The following KLHL8 variants were observed in gnomAD, a reference collection of about 807,000 sequenced individuals.
KLHL8 encodes the protein kelch-like protein 8.
In KLHL8, 38 loss-of-function variants were observed where a neutral mutation model predicts 63.5. The ratio of observed to expected loss-of-function variants is 0.60; its 90% confidence interval spans 0.46 to 0.78. KLHL8 has a LOEUF of 0.78. Among genes scored for constraint, KLHL8 ranks in the 30% least tolerant of loss-of-function variants. The probability of loss-of-function intolerance (pLI) is 0.00; values close to 1 mark genes in which losing one functional copy is unlikely to be tolerated. For synonymous variants in KLHL8, 224 were observed against 254.3 expected, an observed-to-expected ratio of 0.88 and a Z score of 1.13; for missense variants, 566 against 752.4, an observed-to-expected ratio of 0.75 and a Z score of 2.90.
In KLHL8 at chr4:87,231,073, G is replaced by A. The variant is rs536798044; in HGVS notation, n.57+9185C>T. ...GCAGGCTAGAAGTACTGAGAAGTTT[G>A]TCCTCTCTCCCCTCCCTGAAAGCGG... On this transcript the variant is annotated intron_variant and non_coding_transcript_variant, in intron 1 of 1. Transcript: ENST00000506274. Among the ~76,000 whole-genome samples, 10 of 152,170 alleles carry A rather than the reference G, an allele frequency of 6.6e-5. 2 individuals carry two copies. Among genetic ancestry groups the A allele is most frequent in the African/African-American group, 2.4e-4 (10 of 41,518 alleles).
intron 1 of KLHL8, among the ~76,000 whole-genome samples, chr4:87,228,084 T>C (rs1733065627): frequency 6.6e-6 from 1 of 152,122 alleles, no homozygotes; most frequent in Admixed American, 6.6e-5. Flanking sequence ...GGTGAACACA[T>C]TGATGTGTCA....
At chr4:87,176,663 C>A in intron 6 of KLHL8, 94 bp downstream of exon 6, 1 of 721,590 alleles carries the variant, frequency 1.4e-6, no homozygotes, top group Non-Finnish European at 2.4e-6. Flanking sequence ...TTTAAAGTTT[C>A]TAAAGTAGAA....
chr4:87,176,818 T>C lies in KLHL8; in HGVS notation c.1147A>G (p.Met383Val). 1 of 1,609,332 alleles carries C rather than the reference T, an allele frequency of 6.2e-7. No homozygotes were observed. Among genetic ancestry groups the C allele is most frequent in the Non-Finnish European group, 8.5e-7 (1 of 1,177,714 alleles). Residue 383 changes from methionine (M) to valine (V), a missense_variant, in exon 6 of 10, where the codon ATG becomes GTG. Met to Val is a conservative substitution (Grantham distance 21). Coordinates refer to ENST00000273963, the MANE Select transcript of KLHL8 (RefSeq NM_020803.5). ...GHDGNEHLGS[M>V]EMFDPLTNKW... ...TTAGTGAGAGGATCAAACATCTCCATACTCCCTAAATGTTCATTTCCATCA... is the reference window on the plus strand; with the variant it reads ...TTAGTGAGAGGATCAAACATCTCCACACTCCCTAAATGTTCATTTCCATCA...
At chr4:87,194,767 G>C (rs1029582919) in intron 2 of KLHL8, among the ~76,000 whole-genome samples, 1 of 152,200 alleles carries the variant, frequency 6.6e-6, no homozygotes, top group Non-Finnish European at 1.5e-5. Context: ...CAGATGATGA[G>C]CAAAGTTCAC....
chr4:87,236,495 C>A lies in KLHL8; in HGVS notation n.57+3763G>T, dbSNP rs1369294490. On this transcript the variant is annotated intron_variant and non_coding_transcript_variant, in intron 1 of 1. Coordinates refer to the KLHL8 transcript ENST00000506274. The stretch of plus-strand genomic sequence containing the variant: ...GTGCTGAGATTGCAGGCGTGAGCCA[C>A]TGTGCCGGCCTATGAATTTGATTTC... Among the ~76,000 whole-genome samples, 4 of 152,166 alleles carry A rather than the reference C, an allele frequency of 2.6e-5. No homozygotes were observed. In the East Asian group the frequency reaches 7.7e-4, roughly 29 times the overall value.
chr4:87,192,377 AT>A lies in KLHL8; in HGVS notation c.216+2946del, dbSNP rs1205828303. On this transcript the variant is annotated intron_variant, in intron 2 of 9. Coordinates refer to ENST00000273963, the MANE Select transcript of KLHL8 (RefSeq NM_020803.5). ...TTCTAATGACTGGTGATGATGAGTT[AT>A]TTTTTCATGTATTTGTTGGCCACTT... Among the ~76,000 whole-genome samples the A allele has an allele frequency of 2.6e-5, 4 of 152,072 alleles. No individual in the cohort carries two copies. In the South Asian group the frequency reaches 8.3e-4, roughly 32 times the overall value.
intron 1 of KLHL8, among the ~76,000 whole-genome samples, chr4:87,214,915 C>T (rs1732541946): frequency 6.6e-6 from 1 of 152,072 alleles, no homozygotes; most frequent in Admixed American, 6.6e-5. Context: ...CCTCCAGCCT[C>T]CGCCTCTCAA....
upstream of KLHL8, chr4:87,220,764 G>C (rs1020260608): frequency 6.6e-6 from 1 of 152,196 alleles, no homozygotes; most frequent in African/African-American, 2.4e-5. Flanking sequence ...AGTGTTGCCC[G>C]GCCTGGTGAA....
upstream of KLHL8, chr4:87,220,821 A>G (rs568252657): frequency 1.1e-3 from 169 of 152,384 alleles, no homozygotes; most frequent in African/African-American, 3.8e-3. Context: ...TCTTGAAATA[A>G]AACACTGCCT....
chr4:87,185,180 T>C (rs2109993201), intron 3 of KLHL8, 71 bp downstream of exon 3: 1 of 1,331,700 alleles, frequency 7.5e-7, no homozygotes, highest in Non-Finnish European at 1.0e-6. Context: ...ACACTTTTCC[T>C]AATAAATGAA....
At position 87,185,672 on chromosome 4, in the gene KLHL8, C is replaced by T; in HGVS notation, c.344G>A (p.Gly115Asp). ...CTTTACCAAGTCTTCTATTGCATCA[C>T]CATCAAAATCTCTAATCTCAATCAG... ...QTLIEIRDFD[G>D]DAIEDLVKFV... Residue 115 changes from glycine to aspartate, a missense_variant, in exon 3 of 10, where the codon GGT (glycine) becomes GAT (aspartate). Transcript: ENST00000273963. The T allele has an allele frequency of 6.2e-7, 1 of 1,614,188 alleles. No individual in the cohort carries two copies. The highest frequency in any genetic ancestry group is 8.5e-7 in the Non-Finnish European group (1 of 1,180,038).
chr4:87,226,886 ATT>A lies in KLHL8; in HGVS notation n.58-5498_58-5497del, dbSNP rs72416819. On this transcript the variant is annotated intron_variant and non_coding_transcript_variant, in intron 1 of 1. Coordinates refer to the KLHL8 transcript ENST00000506274. ...TATATATTATATATAAATAATATATATTATATATAAATAATATATAATATATA... is the reference window on the plus strand; with the variant it reads ...TATATATTATATATAAATAATATATAATATATAAATAATATATAATATATA... 4.6e-3 allele frequency among the ~76,000 whole-genome samples: 151 copies of A among 32,974 alleles called. 20 individuals are homozygous for A. The highest frequency in any genetic ancestry group is 0.037 in the Middle Eastern group (2 of 54). The allele number at this position is 32,974 out of a possible 152,430, so 21.6% of individuals were successfully genotyped here. A position where few individuals can be genotyped will look rare whatever the true frequency, so the allele number is the denominator to read the frequency against.
intron 6 of KLHL8, among the ~76,000 whole-genome samples, chr4:87,171,056 CAA>C (rs1261768056): frequency 2.6e-5 from 4 of 152,126 alleles, no homozygotes; most frequent in African/African-American, 7.2e-5. Context: ...TTATACCACA[CAA>C]AAGAGTATTA....
rs1417263864 is a variant in KLHL8, at chr4:87,162,341, A to C, written c.*1178T>G. 6.6e-6 allele frequency: 1 copy of C among 152,244 alleles called. No individual in the cohort carries two copies. Among genetic ancestry groups the C allele is most frequent in the Non-Finnish European group, 1.5e-5 (1 of 68,042 alleles). 9.4% of individuals were successfully genotyped at this position (152,244 alleles called of 1,614,324 possible). ...GAGCTGTTAAATCTGTAGGTCCATC[A>C]ATATCCTGGCTTCAAATCAATATGT... is the stretch of plus-strand genomic sequence containing the variant. On this transcript the variant is annotated 3_prime_UTR_variant, in exon 10 of 10. Transcript: ENST00000273963.
chr4:87,164,839 G>A (rs2149824176), intron 8 of KLHL8, among the ~76,000 whole-genome samples: 1 of 152,204 alleles, frequency 6.6e-6, no homozygotes, highest in African/African-American at 2.4e-5. Context: ...TTGATATTAT[G>A]ATCAATCTAT....
chr4:87,187,459 T>C (rs1432362827), intron 2 of KLHL8, among the ~76,000 whole-genome samples: 5 of 151,922 alleles, frequency 3.3e-5, no homozygotes, highest in African/African-American at 1.2e-4. Context: ...TTGTATTTCT[T>C]CTATGAACTA....
chr4:87,211,052 C>T (rs532879048), intron 1 of KLHL8, among the ~76,000 whole-genome samples: 2 of 152,218 alleles, frequency 1.3e-5, no homozygotes, highest in African/African-American at 4.8e-5. Flanking sequence ...GTATAGGCAC[C>T]GTCTCTCTTC....
chr4:87,183,135 G>T, intron 4 of KLHL8, 68 bp downstream of exon 4: 1 of 1,115,012 alleles, frequency 9.0e-7, no homozygotes, highest in Non-Finnish European at 1.3e-6. Context: ...CTAAGTTTGG[G>T]CACACATGAA....
chr4:87,235,866 G>C (rs1451691084), intron 1 of KLHL8, among the ~76,000 whole-genome samples: 1 of 152,086 alleles, frequency 6.6e-6, no homozygotes, highest in Non-Finnish European at 1.5e-5. Context: ...GGATGAGAGC[G>C]GAGAGGTTGC....
Sources: gnomAD v4.1 joint callset for allele counts (sites outside exome capture counted in the v4.1 genomes callset) on GRCh38, gnomAD v4.1.1 for gene constraint, MANE v1.5 for transcripts, NCBI Gene and HGNC (gene_info 2026-07-23, HGNC 2026-07-21) for gene names.